ST3GAL3: variants seen among roughly 807,000 people sequenced by gnomAD.
The protein encoded by ST3GAL3 is CMP-N-acetylneuraminate-beta-1,4-galactoside alpha-2,3-sialyltransferase.
ST3GAL3 carries 21 observed loss-of-function variants against 50.1 expected under a neutral mutation model. The observed-to-expected ratio is 0.42, with a 90% CI of 0.30 to 0.60. The LOEUF is 0.60. Ranked by LOEUF, ST3GAL3 falls within the 20% of genes least tolerant of loss-of-function variation. The pLI is 0.19. For synonymous variants in ST3GAL3, 183 were observed against 190.0 expected (o/e 0.96, Z 0.30); for missense variants, 353 against 489.4 (o/e 0.72, Z 2.63).
At chr1:43,832,584 G>C (rs1391610942) in intron 4 of ST3GAL3, among the ~76,000 whole-genome samples, 5 of 152,098 alleles carry the variant, frequency 3.3e-5, no homozygotes, top group Non-Finnish European at 7.3e-5. Context: ...ATGCAAGCAA[G>C]ACCCAGCAGA....
chr1:43,862,638 T>A (rs1009941719), intron 5 of ST3GAL3, among the ~76,000 whole-genome samples: 4 of 150,674 alleles, frequency 2.7e-5, no homozygotes, highest in Non-Finnish European at 4.4e-5. Context: ...CCAGGCGCAG[T>A]GGCTCACACT....
Position 43,825,272 on chromosome 1 carries a change from A to G in ST3GAL3, c.209+10339A>G, listed in dbSNP as rs115602421. Among the ~76,000 whole-genome samples the G allele has an allele frequency of 1.3e-5, 2 of 152,288 alleles. 1 individual carries two copies. The highest frequency in any genetic ancestry group is 4.1e-4 in the South Asian group (2 of 4,824). ...TGCGGCTACTTTCTTTTGATTCTAA[A>G]TATTGTTTTTATTACACCTTTACAA... On this transcript the variant is annotated intron_variant, in intron 4 of 11. Transcript: ENST00000347631.
At chr1:43,877,288 T>C (rs1012590329) in intron 5 of ST3GAL3, among the ~76,000 whole-genome samples, 2 of 152,176 alleles carry the variant, frequency 1.3e-5, no homozygotes, top group African/African-American at 4.8e-5. Context: ...CATTCATGCA[T>C]TGCCCAGTCT....
intron 5 of ST3GAL3, among the ~76,000 whole-genome samples, chr1:43,849,462 A>G (rs113219103): frequency 6.6e-6 from 1 of 152,264 alleles, no homozygotes; most frequent in Non-Finnish European, 1.5e-5. Flanking sequence ...TTTTTGAAAT[A>G]TAAAAATTGT....
rs550136041 is a variant in ST3GAL3 at position 43,745,738 on chromosome 1, C to T, written c.118+9358C>T. Among the ~76,000 whole-genome samples the T allele has an allele frequency of 1.2e-4, 18 of 152,330 alleles. No homozygotes were observed. The East Asian group carries it at 3.3e-3, about 28-fold the overall frequency. On this transcript the variant is annotated intron_variant, in intron 2 of 11. Transcript: ENST00000347631. Reference sequence around the variant, plus strand: ...CCGCCCTCTGGGTTGAAGCAATTCTCATGCCTCAGCCTCCCGAGTAGCTGG... The same window carrying T: ...CCGCCCTCTGGGTTGAAGCAATTCTTATGCCTCAGCCTCCCGAGTAGCTGG...
chr1:43,717,661 G>A lies in ST3GAL3; in HGVS notation c.-31+9968G>A, dbSNP rs185868818. ...TACAGGTGCACACCACCATGCCCCGGTAATTTTTTTTTCTTTTGTATTTTT... is the reference window on the plus strand; with the variant it reads ...TACAGGTGCACACCACCATGCCCCGATAATTTTTTTTTCTTTTGTATTTTT... On this transcript the variant is annotated intron_variant, in intron 1 of 11. Coordinates refer to ENST00000347631, the MANE Select transcript of ST3GAL3 (RefSeq NM_006279.5). Among the ~76,000 whole-genome samples, 361 of 151,340 alleles carry A rather than the reference G, an allele frequency of 2.4e-3. 1 individual carries two copies. The highest frequency in any genetic ancestry group is 0.02 in the Middle Eastern group (6 of 294).
intron 5 of ST3GAL3, among the ~76,000 whole-genome samples, chr1:43,869,771 C>T (rs2072202008): frequency 6.6e-6 from 1 of 152,144 alleles, no homozygotes; most frequent in African/African-American, 2.4e-5. Flanking sequence ...TGTTCGTTTC[C>T]TTTCTCTTTA....
At chr1:43,927,446 C>T (rs996072158) in intron 11 of ST3GAL3, among the ~76,000 whole-genome samples, 1 of 152,178 alleles carries the variant, frequency 6.6e-6, no homozygotes, top group Admixed American at 6.5e-5. Context: ...ATCAAATGTC[C>T]AGTCCTCTGC....
At chr1:43,741,731 GGA>G (rs945571785) in intron 2 of ST3GAL3, among the ~76,000 whole-genome samples, 2 of 152,138 alleles carry the variant, frequency 1.3e-5, no homozygotes, top group African/African-American at 4.8e-5. Flanking sequence ...CTATAAAACT[GGA>G]CAAAAGAAAT....
intron 3 of ST3GAL3, among the ~76,000 whole-genome samples, chr1:43,811,055 A>T (rs2060500061): frequency 6.6e-6 from 1 of 152,182 alleles, no homozygotes; most frequent in Non-Finnish European, 1.5e-5. Context: ...CATCACAGAC[A>T]TCTTCATTTT....
intron 5 of ST3GAL3, chr1:43,879,104 G>A (rs1455630436): frequency 7.9e-5 from 36 of 453,130 alleles, no homozygotes; most frequent in Admixed American, 4.3e-4. Context: ...CAGAGAAGAC[G>A]TCCCTGAGGA....
At chr1:43,778,696 A>G (rs1432131859) in intron 2 of ST3GAL3, among the ~76,000 whole-genome samples, 13 of 123,066 alleles carry the variant, frequency 1.1e-4, no homozygotes, top group Non-Finnish European at 1.6e-4. Context: ...CCCAGGCTGG[A>G]GTGCAGTGGC....
intron 1 of ST3GAL3, among the ~76,000 whole-genome samples, chr1:43,719,662 C>T (rs1283120107): frequency 7.1e-6 from 1 of 140,080 alleles, no homozygotes; most frequent in Admixed American, 7.1e-5. Context: ...GAAACTCTGT[C>T]TCAAAAAAAA....
At chr1:43,778,926 CG>C (rs1698385763) in intron 2 of ST3GAL3, among the ~76,000 whole-genome samples, 1 of 149,860 alleles carries the variant, frequency 6.7e-6, no homozygotes, top group South Asian at 2.1e-4. Flanking sequence ...GGATTACAGG[CG>C]TGAGCCACTG....
At chr1:43,880,783 A>C (rs1011161974) in intron 5 of ST3GAL3, among the ~76,000 whole-genome samples, 1 of 152,196 alleles carries the variant, frequency 6.6e-6, no homozygotes, top group African/African-American at 2.4e-5. Flanking sequence ...ACCAGAAGCA[A>C]TGCGGTTAAT....
At position 43,899,505 on chromosome 1, in the gene ST3GAL3, A is replaced by G; in HGVS notation, c.558-36A>G. 6.2e-7 allele frequency: 1 copy of G among 1,608,900 alleles called. No homozygotes were observed. Among genetic ancestry groups the G allele is most frequent in the Non-Finnish European group, 8.5e-7 (1 of 1,179,870 alleles). On this transcript the variant is annotated intron_variant, in intron 8 of 11. Transcript: ENST00000347631. The surrounding 1 kb of genome is among the most constrained non-coding windows in gnomAD (Gnocchi z 5.4). ...CTGGGGTCATGGTGCCTTCCCAAACACAGGCCCAGGCTCTGAGTGGGCCTG... is the reference window on the plus strand; with the variant it reads ...CTGGGGTCATGGTGCCTTCCCAAACGCAGGCCCAGGCTCTGAGTGGGCCTG...
chr1:43,825,165 C>T (rs1389569109), intron 4 of ST3GAL3, among the ~76,000 whole-genome samples: 5 of 152,196 alleles, frequency 3.3e-5, no homozygotes, highest in Non-Finnish European at 7.3e-5. Flanking sequence ...GAAGCAACCT[C>T]AGGCCTGTCA....
In ST3GAL3 at chr1:43,713,796, G is replaced by A. The variant is rs546240129; in HGVS notation, c.-31+6103G>A. On this transcript the variant is annotated intron_variant, in intron 1 of 11. Coordinates refer to ENST00000347631, the MANE Select transcript of ST3GAL3 (RefSeq NM_006279.5). ...AGTGATCTGCCCAGCTCTGCCTCCC[G>A]AAGCGCTGGGTTTACACGCGTGAGC... Among the ~76,000 whole-genome samples the A allele has an allele frequency of 9.5e-4, 144 of 152,176 alleles. 1 individual carries two copies. The Middle Eastern group carries it at 0.014, about 14-fold the overall frequency.
At position 43,736,385 on chromosome 1, in the gene ST3GAL3, GTA is replaced by G; in HGVS notation, c.118+8_118+9del. ...TCCAGTGGGAGGAGGACTCCAGTAA[GTA>G]TAGTCACTCTAGCTCACCCCAGGAG... On this transcript the variant is annotated splice_donor_region_variant and intron_variant, in intron 2 of 11. Coordinates refer to ENST00000347631, the MANE Select transcript of ST3GAL3 (RefSeq NM_006279.5). The G allele has an allele frequency of 3.1e-6, 5 of 1,614,184 alleles. No individual in the cohort carries two copies. Among genetic ancestry groups the G allele is most frequent in the Non-Finnish European group, 4.2e-6 (5 of 1,180,036 alleles).
Sources: allele counts gnomAD v4.1 joint callset (sites outside exome capture counted in the v4.1 genomes callset), GRCh38; gene constraint gnomAD v4.1.1; non-coding constraint Gnocchi (gnomAD v3.1); transcripts MANE v1.5; gene names NCBI Gene and HGNC (gene_info 2026-07-23, HGNC 2026-07-21).